The following PRKCB variants were observed in gnomAD, a reference collection of about 807,000 sequenced individuals.
The protein encoded by PRKCB is protein kinase C beta type.
PRKCB carries 13 observed loss-of-function variants against 81.5 expected under a neutral mutation model. That is an observed-to-expected ratio of 0.16 (90% CI 0.10 to 0.25). PRKCB has a LOEUF of 0.25. Ranked by LOEUF, PRKCB falls within the 10% of genes least tolerant of loss-of-function variation. The probability of loss-of-function intolerance (pLI) is 1.00; values close to 1 mark genes in which losing one functional copy is unlikely to be tolerated. For missense variants in PRKCB, 509 were observed against 875.7 expected (o/e 0.58, Z 5.29); for synonymous variants, 335 against 321.4 (o/e 1.04, Z -0.45).
In PRKCB at chr16:24,191,159, G is replaced by A. The variant is rs114846751; in HGVS notation, c.1792G>A (p.Ala598Thr). The A allele has an allele frequency of 6.2e-7, 1 of 1,614,120 alleles. No individual in the cohort carries two copies. The highest frequency in any genetic ancestry group is 2.2e-5 in the East Asian group (1 of 44,884). Residue 598 changes from alanine to threonine, a missense_variant, in exon 16 of 17, where the codon GCA (alanine) becomes ACA (threonine). Ala to Thr is a moderately conservative substitution (Grantham distance 58). This residue lies in a region of PRKCB where 104 missense variants were observed against 160.5 expected (regional missense o/e 0.65). Coordinates refer to ENST00000643927, the MANE Select transcript of PRKCB (RefSeq NM_002738.7). ...AGGCGAACGTGATATCAAAGAGCAT[G>A]CATTTTTCCGGTATATTGATTGGGA... ...PEGERDIKEH[A>T]FFRYIDWEKL...
chr16:23,983,536 G>A (rs1237505663), intron 2 of PRKCB, among the ~76,000 whole-genome samples: 2 of 151,928 alleles, frequency 1.3e-5, no homozygotes, highest in African/African-American at 4.8e-5. Context: ...CCATGAAGTT[G>A]GTTATGTTTT....
At position 24,172,340 on chromosome 16, in the gene PRKCB, G is replaced by T; in HGVS notation, c.1310G>T (p.Arg437Leu). ...ATGTATCACATCCAGCAAGTCGGCCGGTTCAAGGAGCCCCATGCTGTGTAA... is the reference window on the plus strand; with the variant it reads ...ATGTATCACATCCAGCAAGTCGGCCTGTTCAAGGAGCCCCATGCTGTGTAA... ...DLMYHIQQVG[R>L]FKEPHAVFYA... is the part of the protein sequence containing the mutation. The change falls in exon 11 of 17, where the codon CGG (arginine) becomes CTG (leucine). Residue 437 changes from arginine to leucine, a missense_variant. Arg to Leu is a moderately radical substitution (Grantham distance 102, BLOSUM62 -2). Transcript: ENST00000643927. The T allele has an allele frequency of 6.2e-7, 1 of 1,613,778 alleles. No individual in the cohort carries two copies. The highest frequency in any genetic ancestry group is 2.2e-5 in the East Asian group (1 of 44,842).
chr16:24,072,271 G>A (rs1966119159), intron 5 of PRKCB, among the ~76,000 whole-genome samples: 1 of 151,910 alleles, frequency 6.6e-6, no homozygotes. Flanking sequence ...ATCTGCTTTT[G>A]TTTTTAATTT....
chr16:23,855,248 G>A (rs76508372), intron 2 of PRKCB, among the ~76,000 whole-genome samples: 4,581 of 152,164 alleles, frequency 0.03, 241 homozygotes, highest in African/African-American at 0.1. Context: ...GATGGAGTGC[G>A]GATGAGGTCT....
At chr16:23,928,697 C>T (rs1963930635) in intron 2 of PRKCB, among the ~76,000 whole-genome samples, 1 of 151,584 alleles carries the variant, frequency 6.6e-6, no homozygotes, top group African/African-American at 2.4e-5. Context: ...ATTTTGGTAT[C>T]TAGTGGTTTT....
At chr16:24,067,591 G>A (rs983384525) in intron 5 of PRKCB, among the ~76,000 whole-genome samples, 7 of 152,012 alleles carry the variant, frequency 4.6e-5, no homozygotes, top group East Asian at 3.9e-4. Context: ...GCATCACCAC[G>A]CCTAGGTGTT....
chr16:23,998,984 T>C (rs1231399488), intron 3 of PRKCB, among the ~76,000 whole-genome samples: 1 of 152,228 alleles, frequency 6.6e-6, no homozygotes, highest in Non-Finnish European at 1.5e-5. Context: ...TTTGGCAGCC[T>C]ACCTGAAATG....
chr16:23,897,981 C>G (rs112266454), intron 2 of PRKCB, among the ~76,000 whole-genome samples: 13,107 of 151,980 alleles, frequency 0.086, 605 homozygotes, highest in Middle Eastern at 0.18. Flanking sequence ...TCACTGCAAC[C>G]TCCGCCTCCC....
intron 10 of PRKCB, among the ~76,000 whole-genome samples, chr16:24,162,320 C>T (rs1355673342): frequency 6.6e-6 from 1 of 151,948 alleles, no homozygotes; most frequent in Non-Finnish European, 1.5e-5. Flanking sequence ...GACTTAAGGG[C>T]ATTGCTGCAG....
At chr16:24,127,541 G>A (rs904634519) in intron 9 of PRKCB, among the ~76,000 whole-genome samples, 2 of 151,602 alleles carry the variant, frequency 1.3e-5, no homozygotes, top group Non-Finnish European at 2.9e-5. Flanking sequence ...CATGTACTAC[G>A]CCTGTTTTTG....
At chr16:24,116,738 T>G (rs1966741299) in intron 8 of PRKCB, among the ~76,000 whole-genome samples, 1 of 152,036 alleles carries the variant, frequency 6.6e-6, no homozygotes, top group Non-Finnish European at 1.5e-5. Context: ...TTTCTGTCTC[T>G]TTCCCCCAAC....
intron 5 of PRKCB, among the ~76,000 whole-genome samples, chr16:24,047,304 C>T (rs1384369146): frequency 2.0e-5 from 3 of 151,630 alleles, no homozygotes; most frequent in South Asian, 2.1e-4. Flanking sequence ...ATTGTGCCAC[C>T]GCACTCCAGC....
At chr16:24,154,622 C>A in intron 9 of PRKCB, 62 bp from the exon 10 acceptor site, 2 of 1,529,936 alleles carry the variant, frequency 1.3e-6, no homozygotes, top group South Asian at 1.2e-5. Flanking sequence ...TGAACACCAG[C>A]TGCTCATAAC....
chr16:23,922,737 C>A (rs1963843607), intron 2 of PRKCB, among the ~76,000 whole-genome samples: 2 of 152,194 alleles, frequency 1.3e-5, no homozygotes. Flanking sequence ...TCCTCCAGGG[C>A]CTTAGCCACA....
chr16:24,169,145 CCAGTAGT>C (rs906144859), intron 10 of PRKCB, among the ~76,000 whole-genome samples: 15 of 152,068 alleles, frequency 9.9e-5, no homozygotes, highest in African/African-American at 3.6e-4. Flanking sequence ...CCAAGCCTCC[CCAGTAGT>C]CAGAAAACGT....
rs79119336 is a variant in PRKCB, at chr16:24,146,462, T to C, written c.1066-8222T>C. On this transcript the variant is annotated intron_variant, in intron 9 of 16. Coordinates refer to ENST00000643927, the MANE Select transcript of PRKCB (RefSeq NM_002738.7). ...TCCATTTTATAAGATGAGGAGAAGATTGAGGTTCAGAAAACAGTGAATTTC... is the reference window on the plus strand; with the variant it reads ...TCCATTTTATAAGATGAGGAGAAGACTGAGGTTCAGAAAACAGTGAATTTC... Among the ~76,000 whole-genome samples, 835 of 152,310 alleles carry C rather than the reference T, an allele frequency of 5.5e-3. 6 individuals are homozygous for C. Among genetic ancestry groups the C allele is most frequent in the African/African-American group, 0.019 (806 of 41,570 alleles).
At chr16:23,959,976 G>A (rs1350316319) in intron 2 of PRKCB, among the ~76,000 whole-genome samples, 7 of 152,122 alleles carry the variant, frequency 4.6e-5, no homozygotes, top group Admixed American at 3.9e-4. Flanking sequence ...ATTCTGGCCT[G>A]GCTTCCAATG....
At chr16:24,087,056 AT>A (rs1051016857) in intron 5 of PRKCB, among the ~76,000 whole-genome samples, 1 of 151,716 alleles carries the variant, frequency 6.6e-6, no homozygotes, top group Non-Finnish European at 1.5e-5. Context: ...ATGTGTGCAC[AT>A]TTTTTTTCTG....
intron 5 of PRKCB, among the ~76,000 whole-genome samples, chr16:24,045,496 A>G (rs573295796): frequency 6.6e-6 from 1 of 152,294 alleles, no homozygotes; most frequent in East Asian, 1.9e-4. Context: ...GTCTACGCTA[A>G]ACTGCCCCCT....
Sources: allele counts gnomAD v4.1 joint callset (sites outside exome capture counted in the v4.1 genomes callset), GRCh38; gene constraint gnomAD v4.1.1; regional missense constraint gnomAD v4.1.1; transcripts MANE v1.5; gene names NCBI Gene and HGNC (gene_info 2026-07-23, HGNC 2026-07-21).